PCBP2: variants seen among roughly 807,000 people sequenced by gnomAD.
PCBP2 encodes poly(rC)-binding protein 2.
Under a neutral mutation model 50.1 loss-of-function variants are expected in PCBP2, and 4 were observed. The observed-to-expected ratio is 0.08, with a 90% CI of 0.04 to 0.18. The LOEUF (loss-of-function observed/expected upper bound fraction) is 0.18, where lower values mean the gene tolerates loss of function less well. PCBP2 is among the 10% of genes least tolerant of loss of function. PCBP2 has a pLI of 1.00. For synonymous variants in PCBP2, 179 were observed against 168.0 expected (o/e 1.07, Z -0.51); for missense variants, 161 against 474.3 (o/e 0.34, Z 6.14).
chr12:53,456,663 A>G (rs956418364), intron 5 of PCBP2, among the ~76,000 whole-genome samples: 4 of 152,212 alleles, frequency 2.6e-5, no homozygotes, highest in Non-Finnish European at 5.9e-5. Context: ...TAAAAAGTCA[A>G]TCTGCTAACA....
intron 12 of PCBP2, 181 bp from the exon 13 acceptor site, chr12:53,468,596 G>T (rs942899914): frequency 5.0e-6 from 3 of 597,654 alleles, no homozygotes; most frequent in Non-Finnish European, 9.0e-6. Flanking sequence ...AACCTTTCGA[G>T]CATTATTTCT....
In PCBP2 at chr12:53,459,255, G is replaced by A. The variant is rs1565859751; in HGVS notation, c.244-17G>A. On this transcript the variant is annotated splice_polypyrimidine_tract_variant and intron_variant, in intron 5 of 14. Coordinates refer to ENST00000546463, the MANE Select transcript of PCBP2 (RefSeq NM_031989.5). Reference sequence around the variant, plus strand: ...TTTCCAGGGATCTGCTTATTGTGGTGTTCTTTCTTTCTGTAGGACATAAGC... The same window carrying A: ...TTTCCAGGGATCTGCTTATTGTGGTATTCTTTCTTTCTGTAGGACATAAGC... The A allele has an allele frequency of 2.5e-6, 4 of 1,588,544 alleles. No individual in the cohort carries two copies. The highest frequency in any genetic ancestry group is 1.7e-6 in the Non-Finnish European group (2 of 1,166,132).
At position 53,479,675 on chromosome 12, in the gene PCBP2, T is replaced by TTTTTTTTTTTGTTTTG; in HGVS notation, c.*241_*242insTTGTTTTGTTTTTTTT. On this transcript the variant is annotated 3_prime_UTR_variant, in exon 15 of 15. Transcript: ENST00000546463. ...AGTTTTATAAGCTTCTCCCTGGTTT[T>TTTTTTTTTTTGTTTTG]TTTTTTTTGGCTCATGAATTTTTCT... is the stretch of plus-strand genomic sequence containing the variant. 5 of 386,448 alleles carry TTTTTTTTTTTGTTTTG rather than the reference T, an allele frequency of 1.3e-5. No individual in the cohort carries two copies. The highest frequency in any genetic ancestry group is 4.3e-5 in the Admixed American group (1 of 23,318). The allele number at this position is 386,448 out of a possible 1,614,324, so 23.9% of individuals were successfully genotyped here.
rs754350790 is a variant in PCBP2, at chr12:53,470,378, CAAAAAAAAA to C, written c.883-1244_883-1236del. Among the ~76,000 whole-genome samples the C allele has an allele frequency of 4.4e-4, 21 of 47,366 alleles. No individual in the cohort carries two copies. In the East Asian group the frequency reaches 9.3e-3, roughly 21 times the overall value. 31.1% of individuals were successfully genotyped at this position (47,366 alleles called of 152,430 possible). ...GGCAACAGACCAAGACTCCGTCTCTCAAAAAAAAAAAAAAAAAAAAAAAAGTGTAGTGGC... is the reference window on the plus strand; with the variant it reads ...GGCAACAGACCAAGACTCCGTCTCTCAAAAAAAAAAAAAAAGTGTAGTGGC... On this transcript the variant is annotated intron_variant, in intron 13 of 14. Transcript: ENST00000546463.
At chr12:53,456,637 C>G (rs1259820511) in intron 5 of PCBP2, among the ~76,000 whole-genome samples, 1 of 152,164 alleles carries the variant, frequency 6.6e-6, no homozygotes, top group Non-Finnish European at 1.5e-5. Flanking sequence ...ATCTTCCAAT[C>G]CTGATGATTT....
At chr12:53,458,290 C>T (rs2046432) in intron 5 of PCBP2, among the ~76,000 whole-genome samples, 36,766 of 133,214 alleles carry the variant, frequency 0.28, 5,759 homozygotes, top group East Asian at 0.74. Context: ...TTATATCTTT[C>T]GTTTTTGTTT....
intron 8 of PCBP2, chr12:53,464,397 T>G: frequency 5.0e-6 from 1 of 200,358 alleles, no homozygotes; most frequent in Non-Finnish European, 9.6e-6. Context: ...CTGTCATGGA[T>G]TGTTCCCACA....
chr12:53,471,803 G>A lies in PCBP2; in HGVS notation c.1048G>A (p.Val350Ile). 1 of 1,611,574 alleles carries A rather than the reference G, an allele frequency of 6.2e-7. No individual in the cohort carries two copies. Among genetic ancestry groups the A allele is most frequent in the Non-Finnish European group, 8.5e-7 (1 of 1,179,372 alleles). Reference sequence around the variant, plus strand: ...TAGCCTGGCTCAATATCTAATCAATGTCAGGTAAGATTGCTCTACCTTTTG... The same window carrying A: ...TAGCCTGGCTCAATATCTAATCAATATCAGGTAAGATTGCTCTACCTTTTG... ...SISLAQYLIN[V>I]RLSSETGGMG... Residue 350 changes from valine (V) to isoleucine (I), a missense_variant, in exon 14 of 15, where the codon GTC becomes ATC. By Grantham distance (29) the Val-to-Ile change is conservative. Around this residue, in one of 7 missense-constraint regions of PCBP2, gnomAD observed 51 missense variants for 193.0 expected, o/e 0.26. Transcript: ENST00000546463.
At chr12:53,471,276 G>T (rs904405740) in intron 13 of PCBP2, among the ~76,000 whole-genome samples, 3 of 139,592 alleles carry the variant, frequency 2.1e-5, no homozygotes, top group African/African-American at 7.8e-5. Flanking sequence ...GAGACCCTCG[G>T]TTTTTTTTTT....
At position 53,480,109 on chromosome 12, in the gene PCBP2, G is replaced by T. The variant is rs1055820239; in HGVS notation, c.*667G>T. ...TAGGCAAGCACTTCCACTAGGGAGG[G>T]GGTGGGGGAAAGGAATGACACATGA... On this transcript the variant is annotated 3_prime_UTR_variant, in exon 15 of 15. Transcript: ENST00000546463. 6.6e-6 allele frequency: 1 copy of T among 152,068 alleles called. No homozygotes were observed. The highest frequency in any genetic ancestry group is 2.4e-5 in the African/African-American group (1 of 41,394). The allele number at this position is 152,068 out of a possible 1,614,324, so 9.4% of individuals were successfully genotyped here. A position where few individuals can be genotyped will look rare whatever the true frequency, so the allele number is the denominator to read the frequency against.
intron 13 of PCBP2, among the ~76,000 whole-genome samples, chr12:53,470,585 T>G (rs1043958093): frequency 6.0e-5 from 9 of 151,240 alleles, no homozygotes; most frequent in African/African-American, 2.2e-4. Context: ...TTTTTGTATT[T>G]TTTTTGTAAA....
chr12:53,480,448 C>G lies in PCBP2; in HGVS notation c.*1006C>G, dbSNP rs1041606396. 7.2e-5 allele frequency: 11 copies of G among 152,650 alleles called. No homozygotes were observed. Among genetic ancestry groups the G allele is most frequent in the Middle Eastern group, 3.4e-3 (1 of 294 alleles). 9.5% of individuals were successfully genotyped at this position (152,650 alleles called of 1,614,324 possible). A position where few individuals can be genotyped will look rare whatever the true frequency, so the allele number is the denominator to read the frequency against. On this transcript the variant is annotated 3_prime_UTR_variant, in exon 15 of 15. Coordinates refer to ENST00000546463, the MANE Select transcript of PCBP2 (RefSeq NM_031989.5). The stretch of plus-strand genomic sequence containing the variant: ...CCGGAGCCCAAGGCTTTATCTTAAC[C>G]ATGTATGGTACCCCATTCATTCATC...
Position 53,454,523 on chromosome 12 carries a change from A to G in PCBP2, c.-75-203A>G, listed in dbSNP as rs1160366025. 36 of 385,966 alleles carry G rather than the reference A, an allele frequency of 9.3e-5. 1 individual carries two copies. In the East Asian group the frequency reaches 1.9e-3, roughly 21 times the overall value. The allele number at this position is 385,966 out of a possible 1,614,324, so 23.9% of individuals were successfully genotyped here. On this transcript the variant is annotated intron_variant, in intron 1 of 14. Coordinates refer to ENST00000546463, the MANE Select transcript of PCBP2 (RefSeq NM_031989.5). ...GGAAACCCTGTCATTAATGAGAGGA[A>G]CTGGAAAGTTGCCTTCTATACTGTG...
chr12:53,459,178 TAAG>T, intron 5 of PCBP2, 91 bp from the exon 6 acceptor site: 1 of 1,112,734 alleles, frequency 9.0e-7, no homozygotes, highest in Non-Finnish European at 1.2e-6. Flanking sequence ...CATGTCCTAA[TAAG>T]ATCACTTACC....
At position 53,481,050 on chromosome 12, in the gene PCBP2, C is replaced by T; in HGVS notation, c.*1608C>T. The T allele has an allele frequency of 3.7e-6, 1 of 272,284 alleles. No individual in the cohort carries two copies. The highest frequency in any genetic ancestry group is 6.2e-6 in the Non-Finnish European group (1 of 161,230). 16.9% of individuals were successfully genotyped at this position (272,284 alleles called of 1,614,324 possible). On this transcript the variant is annotated 3_prime_UTR_variant, in exon 15 of 15. Coordinates refer to ENST00000546463, the MANE Select transcript of PCBP2 (RefSeq NM_031989.5). The stretch of plus-strand genomic sequence containing the variant: ...CAGGTGAATTGGTCAGGGGATCAGT[C>T]TCCCTCGAGCCTGACTTACGGCTGG...
chr12:53,472,017 A>T (rs1369702321), intron 14 of PCBP2, among the ~76,000 whole-genome samples: 1 of 147,416 alleles, frequency 6.8e-6, no homozygotes, highest in East Asian at 2.0e-4. Flanking sequence ...GGGGGGGAGC[A>T]CAGATTGCCC....
chr12:53,454,588 C>G, intron 1 of PCBP2, 138 bp from the exon 2 acceptor site: 1 of 563,326 alleles, frequency 1.8e-6, no homozygotes, highest in East Asian at 3.1e-5. Flanking sequence ...TGCAGTTGTG[C>G]TTGGTGTGTA....
chr12:53,475,207 C>G (rs911781390), intron 14 of PCBP2: 2 of 455,920 alleles, frequency 4.4e-6, no homozygotes, highest in African/African-American at 4.0e-5. Flanking sequence ...CAGAGATTCT[C>G]TCCCTACTGA....
chr12:53,477,840 G>A (rs2137136937), intron 14 of PCBP2, among the ~76,000 whole-genome samples: 1 of 152,240 alleles, frequency 6.6e-6, no homozygotes, highest in African/African-American at 2.4e-5. Flanking sequence ...GATACAGATG[G>A]TGAATTACCA....
Sources: allele counts gnomAD v4.1 joint callset (sites outside exome capture counted in the v4.1 genomes callset), GRCh38; gene constraint gnomAD v4.1.1; regional missense constraint gnomAD v4.1.1; transcripts MANE v1.5; gene names NCBI Gene and HGNC (gene_info 2026-07-23, HGNC 2026-07-21).